TDRD1: variants seen among roughly 807,000 people sequenced by gnomAD.
TDRD1 encodes the protein tudor domain containing 1.
TDRD1 carries 37 observed loss-of-function variants against 140.6 expected under a neutral mutation model. The ratio of observed to expected loss-of-function variants is 0.26; its 90% confidence interval spans 0.20 to 0.35. TDRD1 has a LOEUF of 0.35. TDRD1 is among the 10% of genes least tolerant of loss of function. The pLI, the probability that TDRD1 is intolerant of heterozygous loss-of-function variation, is 1.00. For synonymous variants in TDRD1, 506 were observed against 475.7 expected, an observed-to-expected ratio of 1.06 and a Z score of -0.83; for missense variants, 1,243 against 1,393.0, an observed-to-expected ratio of 0.89 and a Z score of 1.71.
chr10:114,184,423 C>T (rs548195411), intron 1 of TDRD1, among the ~76,000 whole-genome samples: 6 of 152,368 alleles, frequency 3.9e-5, no homozygotes, highest in Admixed American at 3.3e-4. Context: ...TCAGGCTGTG[C>T]TTATTACTCC....
At chr10:114,193,161 A>C (rs547183191) in intron 3 of TDRD1, among the ~76,000 whole-genome samples, 2 of 151,924 alleles carry the variant, frequency 1.3e-5, no homozygotes, top group African/African-American at 4.8e-5. Context: ...CTCAATTTAC[A>C]CTTAAGTATT....
chr10:114,200,000 G>T (rs1189267791), intron 4 of TDRD1, among the ~76,000 whole-genome samples: 1 of 152,204 alleles, frequency 6.6e-6, no homozygotes, highest in Non-Finnish European at 1.5e-5. Flanking sequence ...CAAAGGGTAG[G>T]TGTGTGTTTA....
At chr10:114,190,719 C>A (rs1457776847) in intron 2 of TDRD1, among the ~76,000 whole-genome samples, 4 of 152,122 alleles carry the variant, frequency 2.6e-5, no homozygotes, top group African/African-American at 9.7e-5. Context: ...AACTGCTGAC[C>A]TCAAGTGATC....
chr10:114,205,346 C>A (rs1400715692), intron 10 of TDRD1, among the ~76,000 whole-genome samples: 1 of 152,202 alleles, frequency 6.6e-6, no homozygotes, highest in Non-Finnish European at 1.5e-5. Flanking sequence ...AATGACTTCT[C>A]ACAGTGTGAT....
At chr10:114,200,148 GT>G (rs2034633105) in intron 4 of TDRD1, among the ~76,000 whole-genome samples, 2 of 152,212 alleles carry the variant, frequency 1.3e-5, no homozygotes, top group African/African-American at 4.8e-5. Flanking sequence ...TCGTGGATAA[GT>G]TGGAATTGTC....
chr10:114,217,239 A>T (rs1210301148), intron 16 of TDRD1, among the ~76,000 whole-genome samples: 1 of 152,086 alleles, frequency 6.6e-6, no homozygotes, highest in African/African-American at 2.4e-5. Flanking sequence ...TAGCTTCTGT[A>T]TGGGCTTGTA....
chr10:114,207,078 C>T (rs937513676), intron 11 of TDRD1, among the ~76,000 whole-genome samples: 1 of 152,228 alleles, frequency 6.6e-6, no homozygotes, highest in Admixed American at 6.5e-5. Flanking sequence ...TTTAGATTAA[C>T]AAGAGAACCA....
intron 21 of TDRD1, among the ~76,000 whole-genome samples, chr10:114,224,300 C>T (rs1047225061): frequency 2.0e-5 from 3 of 152,144 alleles, no homozygotes; most frequent in Non-Finnish European, 4.4e-5. Context: ...AATGTTATTC[C>T]GGATTCCACA....
At chr10:114,205,800 A>G (rs1002661953) in intron 10 of TDRD1, among the ~76,000 whole-genome samples, 1 of 152,204 alleles carries the variant, frequency 6.6e-6, no homozygotes, top group African/African-American at 2.4e-5. Flanking sequence ...AAGACCTACT[A>G]TTCGATAGCA....
chr10:114,212,432 GGTTGACCTA>G (rs1462251608), intron 14 of TDRD1, among the ~76,000 whole-genome samples: 1 of 152,094 alleles, frequency 6.6e-6, no homozygotes, highest in Non-Finnish European at 1.5e-5. Context: ...TTCCAGAAAG[GGTTGACCTA>G]GTTTACATGC....
At chr10:114,190,634 T>C (rs778825090) in intron 2 of TDRD1, among the ~76,000 whole-genome samples, 8 of 152,136 alleles carry the variant, frequency 5.3e-5, no homozygotes, top group Non-Finnish European at 1.0e-4. Flanking sequence ...ATTACAAGAG[T>C]GCACCACCAT....
chr10:114,202,429 A>G, intron 6 of TDRD1, 131 bp downstream of exon 6: 2 of 579,802 alleles, frequency 3.4e-6, no homozygotes, highest in Non-Finnish European at 5.8e-6. Context: ...ATAAATATGT[A>G]CACCATAGTG....
chr10:114,213,888 C>A, intron 15 of TDRD1, 89 bp from the exon 16 acceptor site: 1 of 1,191,582 alleles, frequency 8.4e-7, no homozygotes, highest in Non-Finnish European at 1.2e-6. Flanking sequence ...AGTGGAAATT[C>A]AGTTCTTCAA....
At chr10:114,182,763 G>A (rs2033185672) in intron 1 of TDRD1, among the ~76,000 whole-genome samples, 1 of 150,476 alleles carries the variant, frequency 6.6e-6, no homozygotes, top group African/African-American at 2.5e-5. Flanking sequence ...TCAGCTCACT[G>A]CAAGCTCGCC....
exon 26 of TDRD1, chr10:114,231,958 A>T (rs2036779955): frequency 6.6e-6 from 1 of 152,310 alleles, no homozygotes; most frequent in South Asian, 2.1e-4. Flanking sequence ...AAAAAAAAAA[A>T]AGTTGATATG....
At chr10:114,206,211 C>T (rs747083641) in intron 10 of TDRD1, 33 bp from the exon 11 acceptor site, 1 of 1,474,100 alleles carries the variant, frequency 6.8e-7, no homozygotes, top group Non-Finnish European at 9.5e-7. Flanking sequence ...TATAGTTTCT[C>T]AATGGAGGCA....
chr10:114,177,185 T>C (rs2119822502), upstream of TDRD1, among the ~76,000 whole-genome samples: 1 of 152,330 alleles, frequency 6.6e-6, no homozygotes, highest in Admixed American at 6.5e-5. Flanking sequence ...AAATAATTTC[T>C]GCAGATACTG....
Position 114,222,538 on chromosome 10 carries a change from A to G in TDRD1, c.2891-49A>G, listed in dbSNP as rs777008980. The G allele has an allele frequency of 1.6e-5, 17 of 1,095,950 alleles. No individual in the cohort carries two copies. The South Asian group carries it at 1.9e-4, about 13-fold the overall frequency. The allele number at this position is 1,095,950 out of a possible 1,614,324, so 67.9% of individuals were successfully genotyped here. The stretch of plus-strand genomic sequence containing the variant: ...TGCCATTCTTTTGTATAGTGTTAAT[A>G]GTAGCACTGGAAATTTTCTTCACAA... On this transcript the variant is annotated intron_variant, in intron 20 of 25. Coordinates refer to ENST00000251864, the Ensembl canonical transcript of TDRD1.
At chr10:114,175,013 C>T (rs74904194), upstream of TDRD1, among the ~76,000 whole-genome samples, 664 of 152,280 alleles carry the variant, frequency 4.4e-3, 5 homozygotes, top group African/African-American at 0.015. Context: ...GACGATTCTG[C>T]AATGTAAGAA....
Sources: allele counts gnomAD v4.1 joint callset (sites outside exome capture counted in the v4.1 genomes callset), GRCh38; gene constraint gnomAD v4.1.1; transcripts MANE v1.5; gene names NCBI Gene and HGNC (gene_info 2026-07-23, HGNC 2026-07-21).